ARHGAP6: variants seen among roughly 807,000 people sequenced by gnomAD.
ARHGAP6 encodes the protein rho GTPase-activating protein 6.
In ARHGAP6, 16 loss-of-function variants were observed where a neutral mutation model predicts 55.7. The ratio of observed to expected loss-of-function variants is 0.29; its 90% CI spans 0.19 to 0.44. The LOEUF (loss-of-function observed/expected upper bound fraction) is 0.44, where lower values mean the gene tolerates loss of function less well. Ranked by LOEUF, ARHGAP6 falls within the 20% of genes least tolerant of loss-of-function variation. ARHGAP6 has a pLI of 1.00. For synonymous variants in ARHGAP6, 382 were observed against 360.9 expected, an observed-to-expected ratio of 1.06 and a Z score of -0.66; for missense variants, 698 against 808.9, an observed-to-expected ratio of 0.86 and a Z score of 1.66.
chrX:11,521,785 C>A (rs1013566935), intron 1 of ARHGAP6, among the ~76,000 whole-genome samples: 4 of 111,046 alleles, frequency 3.6e-5, no homozygotes, highest in African/African-American at 1.3e-4. Flanking sequence ...TCTTCCTACC[C>A]ATGAGCATGG....
chrX:11,419,900 T>A (rs1054641895), intron 1 of ARHGAP6, among the ~76,000 whole-genome samples: 6 of 112,784 alleles, frequency 5.3e-5, no homozygotes, highest in African/African-American at 1.9e-4. Flanking sequence ...TCTTCTAAAA[T>A]TGTTATTTCA....
intron 2 of ARHGAP6, among the ~76,000 whole-genome samples, chrX:11,239,702 G>C (rs1299941162): frequency 9.0e-6 from 1 of 111,217 alleles, no homozygotes; most frequent in Non-Finnish European, 1.9e-5. Flanking sequence ...TTGCATTCAT[G>C]AACACCGATT....
chrX:11,423,731 C>T lies in ARHGAP6; in HGVS notation c.589-169024G>A, dbSNP rs73500823. Reference sequence around the variant, plus strand: ...CAGCAGGGACAAGACACACATAGTACTACTCCCAGCAAGTTTTCAACCTGC... The same window carrying T: ...CAGCAGGGACAAGACACACATAGTATTACTCCCAGCAAGTTTTCAACCTGC... On this transcript the variant is annotated intron_variant, in intron 1 of 12. Coordinates refer to ENST00000337414, the MANE Select transcript of ARHGAP6 (RefSeq NM_013427.3). 6.1e-3 allele frequency among the ~76,000 whole-genome samples: 688 copies of T among 112,591 alleles called. 4 individuals are homozygous for T. Among genetic ancestry groups the T allele is most frequent in the African/African-American group, 0.021 (645 of 31,004 alleles).
At chrX:11,522,206 T>G (rs1177336070) in intron 1 of ARHGAP6, among the ~76,000 whole-genome samples, 1 of 111,115 alleles carries the variant, frequency 9.0e-6, no homozygotes, top group Admixed American at 9.6e-5. Context: ...AGACACAACA[T>G]AGCGGAATCT....
chrX:11,656,867 G>A (rs1306963038), intron 1 of ARHGAP6, among the ~76,000 whole-genome samples: 10 of 112,137 alleles, frequency 8.9e-5, no homozygotes, highest in African/African-American at 3.2e-4. Context: ...ACATTGTTCT[G>A]TCTACCACAG....
intron 1 of ARHGAP6, among the ~76,000 whole-genome samples, chrX:11,462,599 T>G (rs1210511015): frequency 1.8e-5 from 2 of 112,411 alleles, no homozygotes; most frequent in African/African-American, 6.5e-5. Flanking sequence ...TGTTTGACAA[T>G]TCACTCCAAA....
At chrX:11,521,025 T>C (rs1287578212) in intron 1 of ARHGAP6, among the ~76,000 whole-genome samples, 5 of 112,021 alleles carry the variant, frequency 4.5e-5, no homozygotes, top group Non-Finnish European at 7.5e-5. Context: ...TTCTTGTAAA[T>C]TTGTTTGAGT....
chrX:11,299,950 A>G (rs1316630588), intron 1 of ARHGAP6, among the ~76,000 whole-genome samples: 1 of 112,223 alleles, frequency 8.9e-6, no homozygotes, highest in Non-Finnish European at 1.9e-5. Flanking sequence ...CCAATTATAA[A>G]TACCATAGTT....
chrX:11,442,336 A>G (rs1019254476), intron 1 of ARHGAP6, among the ~76,000 whole-genome samples: 1 of 111,036 alleles, frequency 9.0e-6, no homozygotes, highest in African/African-American at 3.3e-5. Flanking sequence ...AACTGCCTCA[A>G]TTCTTCCTTT....
At chrX:11,316,001 C>T (rs980571248) in intron 1 of ARHGAP6, among the ~76,000 whole-genome samples, 5 of 111,930 alleles carry the variant, frequency 4.5e-5, no homozygotes, top group African/African-American at 1.6e-4. Flanking sequence ...CTCAATTTTT[C>T]CAGTAGATCA....
chrX:11,386,862 A>G (rs2049334749), intron 1 of ARHGAP6, among the ~76,000 whole-genome samples: 1 of 112,055 alleles, frequency 8.9e-6, no homozygotes, highest in African/African-American at 3.2e-5. Flanking sequence ...ACTGCGTATA[A>G]TGATTTGCTG....
intron 1 of ARHGAP6, among the ~76,000 whole-genome samples, chrX:11,501,922 C>T (rs1041166261): frequency 1.8e-5 from 2 of 111,430 alleles, no homozygotes; most frequent in African/African-American, 6.5e-5. Context: ...AGTGGACCCA[C>T]ACAGTTCAAA....
intron 1 of ARHGAP6, among the ~76,000 whole-genome samples, chrX:11,653,067 G>A (rs1315694919): frequency 8.9e-6 from 1 of 112,020 alleles, no homozygotes; most frequent in Non-Finnish European, 1.9e-5. Context: ...TTGGTCTCAT[G>A]TAATCACTGT....
intron 1 of ARHGAP6, among the ~76,000 whole-genome samples, chrX:11,616,932 T>C (rs1295902635): frequency 8.9e-6 from 1 of 111,885 alleles, no homozygotes; most frequent in Non-Finnish European, 1.9e-5. Flanking sequence ...CCGGGTCTTA[T>C]TCAATGTCTT....
intron 1 of ARHGAP6, among the ~76,000 whole-genome samples, chrX:11,302,009 T>C (rs1175244570): frequency 8.9e-6 from 1 of 112,269 alleles, no homozygotes; most frequent in Non-Finnish European, 1.9e-5. Context: ...AGTGTGATAA[T>C]ACAGAGGAAT....
chrX:11,376,600 G>T (rs1049701735), intron 1 of ARHGAP6, among the ~76,000 whole-genome samples: 7 of 113,038 alleles, frequency 6.2e-5, no homozygotes, highest in Non-Finnish European at 1.1e-4. Context: ...TACAGAACTA[G>T]AATATAATAC....
chrX:11,391,261 C>G (rs968899459), intron 1 of ARHGAP6, among the ~76,000 whole-genome samples: 1 of 110,960 alleles, frequency 9.0e-6, no homozygotes, highest in Non-Finnish European at 1.9e-5. Flanking sequence ...GGGAATTGAA[C>G]AATGAGAACA....
At chrX:11,489,904 A>G (rs1455196795) in intron 1 of ARHGAP6, among the ~76,000 whole-genome samples, 1 of 111,551 alleles carries the variant, frequency 9.0e-6, no homozygotes, top group African/African-American at 3.3e-5. Context: ...TGGAAATGTA[A>G]GGTAAAAGGT....
At chrX:11,352,614 G>T (rs913315593) in intron 1 of ARHGAP6, among the ~76,000 whole-genome samples, 1 of 111,578 alleles carries the variant, frequency 9.0e-6, no homozygotes, top group African/African-American at 3.3e-5. Flanking sequence ...CTCCATGTAG[G>T]GGGTCAGAAG....
Sources: gnomAD v4.1 joint callset for allele counts (sites outside exome capture counted in the v4.1 genomes callset) on GRCh38, gnomAD v4.1.1 for gene constraint, MANE v1.5 for transcripts, NCBI Gene and HGNC (gene_info 2026-07-23, HGNC 2026-07-21) for gene names.